Variants in NDUFAF6 observed in about 807,000 individuals in gnomAD.
NDUFAF6 encodes NADH dehydrogenase (ubiquinone) complex I, assembly factor 6.
A neutral mutation model predicts 40.8 loss-of-function variants in NDUFAF6; 45 were observed. The observed-to-expected ratio is 1.10, with a 90% CI of 0.87 to 1.42. The LOEUF (loss-of-function observed/expected upper bound fraction) is 1.42, where lower values mean the gene tolerates loss of function less well. NDUFAF6 is among the 40% of genes most tolerant of loss of function. The pLI is 0.00. For synonymous variants in NDUFAF6, 185 were observed against 155.9 expected, an observed-to-expected ratio of 1.19 and a Z score of -1.39; for missense variants, 435 against 418.5, an observed-to-expected ratio of 1.04 and a Z score of -0.34.
intron 1 of NDUFAF6, among the ~76,000 whole-genome samples, chr8:94,943,433 G>A (rs1821728617): frequency 6.6e-6 from 1 of 152,208 alleles, no homozygotes; most frequent in Admixed American, 6.5e-5. Flanking sequence ...GATGCAGTAA[G>A]CTATGATTGT....
At chr8:95,098,743 G>A (rs934891635), upstream of NDUFAF6, among the ~76,000 whole-genome samples, 5 of 152,070 alleles carry the variant, frequency 3.3e-5, no homozygotes, top group Non-Finnish European at 5.9e-5. Flanking sequence ...CTAATTCAAA[G>A]TAGATCATAT....
chr8:94,907,886 G>T, intron 1 of NDUFAF6, among the ~76,000 whole-genome samples: 1 of 152,178 alleles, frequency 6.6e-6, no homozygotes, highest in Non-Finnish European at 1.5e-5. Flanking sequence ...CTAGTAGAAT[G>T]TAAGCTCCAG....
intron 2 of NDUFAF6, among the ~76,000 whole-genome samples, chr8:95,004,797 C>T (rs543974305): frequency 4.7e-4 from 71 of 152,282 alleles, no homozygotes; most frequent in African/African-American, 1.5e-3. Context: ...AATAAGTGAA[C>T]CCTACAAGAT....
At chr8:94,941,634 A>T (rs564566115) in intron 1 of NDUFAF6, among the ~76,000 whole-genome samples, 1 of 152,246 alleles carries the variant, frequency 6.6e-6, no homozygotes, top group Non-Finnish European at 1.5e-5. Flanking sequence ...GGCATGAAGA[A>T]ATTTACACTG....
chr8:95,040,150 T>C (rs1829995038), intron 3 of NDUFAF6, among the ~76,000 whole-genome samples: 1 of 152,218 alleles, frequency 6.6e-6, no homozygotes, highest in African/African-American at 2.4e-5. Context: ...TTATGACATG[T>C]ATATTTTTGA....
Position 95,057,943 on chromosome 8 carries a change from T to C in NDUFAF6, c.*6T>C, listed in dbSNP as rs376144629. On this transcript the variant is annotated 3_prime_UTR_variant, in exon 9 of 9. Coordinates refer to ENST00000396124, the MANE Select transcript of NDUFAF6 (RefSeq NM_152416.4). Reference sequence around the variant, plus strand: ...CATGGAGAAAAACATATTAAAATAATTTCATGGCATTGATGTTAATTCTAG... The same window carrying C: ...CATGGAGAAAAACATATTAAAATAACTTCATGGCATTGATGTTAATTCTAG... 34 of 1,523,086 alleles carry C rather than the reference T, an allele frequency of 2.2e-5. No homozygotes were observed. The highest frequency in any genetic ancestry group is 4.1e-5 in the African/African-American group (3 of 73,156). The allele number at this position is 1,523,086 out of a possible 1,614,324, so 94.3% of individuals were successfully genotyped here. A position where few individuals can be genotyped will look rare whatever the true frequency, so the allele number is the denominator to read the frequency against.
At chr8:94,947,980 C>T (rs955101085) in intron 2 of NDUFAF6, among the ~76,000 whole-genome samples, 2 of 152,178 alleles carry the variant, frequency 1.3e-5, no homozygotes, top group African/African-American at 4.8e-5. Flanking sequence ...ATTTCAGTAT[C>T]GTGGGGGAAC....
chr8:95,012,075 G>T (rs992377225), intron 2 of NDUFAF6, among the ~76,000 whole-genome samples: 1 of 152,194 alleles, frequency 6.6e-6, no homozygotes. Flanking sequence ...AAAAGTATGA[G>T]TTTCTGATTA....
intron 5 of NDUFAF6, among the ~76,000 whole-genome samples, chr8:95,046,400 C>T (rs1830774578): frequency 1.3e-5 from 2 of 152,120 alleles, no homozygotes. Context: ...TTTTTAAAAA[C>T]AAAATTTTGA....
At chr8:95,094,445 C>G (rs1809379473) in intron 2 of NDUFAF6, among the ~76,000 whole-genome samples, 2 of 127,138 alleles carry the variant, frequency 1.6e-5, no homozygotes, top group African/African-American at 5.9e-5. Flanking sequence ...CAGAGTCTCA[C>G]TCTGTTGCCC....
chr8:95,077,945 G>A (rs888484973), downstream of NDUFAF6, among the ~76,000 whole-genome samples: 1 of 152,012 alleles, frequency 6.6e-6, no homozygotes, highest in Non-Finnish European at 1.5e-5. Flanking sequence ...GACCAGCCAA[G>A]TCAATCACAT....
chr8:94,958,462 C>G (rs1264667131), intron 1 of NDUFAF6, among the ~76,000 whole-genome samples: 1 of 150,712 alleles, frequency 6.6e-6, no homozygotes, highest in Non-Finnish European at 1.5e-5. Context: ...GGATTAGGGG[C>G]CACCCTAATG....
chr8:95,112,978 G>A (rs1810038700), intron 4 of NDUFAF6, among the ~76,000 whole-genome samples: 1 of 152,216 alleles, frequency 6.6e-6, no homozygotes, highest in South Asian at 2.1e-4. Context: ...GCTGGATCCT[G>A]GCCAGCAGAT....
chr8:95,029,388 A>G (rs1296303145), intron 1 of NDUFAF6, among the ~76,000 whole-genome samples: 1 of 152,232 alleles, frequency 6.6e-6, no homozygotes, highest in Non-Finnish European at 1.5e-5. Context: ...TAACACTCTG[A>G]AACATTTAAG....
chr8:94,976,395 T>C (rs150554464), intron 1 of NDUFAF6, among the ~76,000 whole-genome samples: 3,284 of 149,686 alleles, frequency 0.022, 49 homozygotes, highest in African/African-American at 0.039. Context: ...TCCCAGCTAC[T>C]TGGGTGGCTG....
intron 2 of NDUFAF6, among the ~76,000 whole-genome samples, chr8:94,982,045 C>T (rs577054913): frequency 4.0e-5 from 6 of 151,882 alleles, no homozygotes; most frequent in Non-Finnish European, 7.4e-5. Flanking sequence ...CTGGCTAACA[C>T]GGTGAAACCA....
At chr8:94,900,627 G>A (rs1817953543) in intron 1 of NDUFAF6, among the ~76,000 whole-genome samples, 1 of 152,206 alleles carries the variant, frequency 6.6e-6, no homozygotes, top group Admixed American at 6.5e-5. Flanking sequence ...CTGGGAGGTT[G>A]GAGTAGGCGG....
intron 1 of NDUFAF6, among the ~76,000 whole-genome samples, chr8:94,911,867 G>T (rs1442886655): frequency 1.3e-5 from 2 of 152,216 alleles, no homozygotes; most frequent in Non-Finnish European, 2.9e-5. Context: ...CCTGGTTTGA[G>T]CTGAGGGGTC....
chr8:94,977,400 G>C (rs1441146985), intron 1 of NDUFAF6, among the ~76,000 whole-genome samples: 1 of 151,384 alleles, frequency 6.6e-6, no homozygotes, highest in Non-Finnish European at 1.5e-5. Context: ...TGTAGCCCTA[G>C]TACTCATAGT....
Sources: gnomAD v4.1 joint callset for allele counts (sites outside exome capture counted in the v4.1 genomes callset) on GRCh38, gnomAD v4.1.1 for gene constraint, MANE v1.5 for transcripts, NCBI Gene and HGNC (gene_info 2026-07-23, HGNC 2026-07-21) for gene names.